LDAF1: variants seen among roughly 807,000 people sequenced by gnomAD.
LDAF1 encodes the protein PROMETHIN.
Under a neutral mutation model 13.5 loss-of-function variants are expected in LDAF1, and 7 were observed. The observed-to-expected ratio is 0.52, with a 90% CI of 0.29 to 0.97. LDAF1 has a LOEUF of 0.97. Ranked by LOEUF, LDAF1 falls within the 50% of genes least tolerant of loss-of-function variation. The pLI is 0.07. For missense variants in LDAF1, 148 were observed against 193.2 expected, an observed-to-expected ratio of 0.77 and a Z score of 1.39; for synonymous variants, 69 against 77.1, an observed-to-expected ratio of 0.89 and a Z score of 0.55.
Position 21,166,298 on chromosome 16 carries a change from T to C in LDAF1, c.97-4139T>C, listed in dbSNP as rs369218550. Reference sequence around the variant, plus strand: ...TTACACTTAAAGCACATCTCAATTCTGATGCCAAATTTTCATTGGAAATAT... The same window carrying C: ...TTACACTTAAAGCACATCTCAATTCCGATGCCAAATTTTCATTGGAAATAT... On this transcript the variant is annotated intron_variant, in intron 2 of 4. Transcript: ENST00000233047. Among the ~76,000 whole-genome samples, 35 of 152,376 alleles carry C rather than the reference T, an allele frequency of 2.3e-4. 1 individual carries two copies. In the South Asian group the frequency reaches 3.7e-3, roughly 16 times the overall value.
intron 4 of LDAF1, among the ~76,000 whole-genome samples, chr16:21,176,934 C>A (rs1476494049): frequency 6.6e-6 from 1 of 150,402 alleles, no homozygotes; most frequent in African/African-American, 2.4e-5. Flanking sequence ...ATAATTATTT[C>A]TTTTTAAAAA....
chr16:21,167,696 G>GTTTTTTTTTTTTTTTTTTTTT lies in LDAF1; in HGVS notation c.97-2728_97-2727insTTTTTTTTTTTTTTTTTTTTT, dbSNP rs778992036. On this transcript the variant is annotated intron_variant, in intron 2 of 4. Transcript: ENST00000233047. ...ATTCTGAGTCCAAGACCTTAGGTTT[G>GTTTTTTTTTTTTTTTTTTTTT]TTTTTTTTTTTTTGAAAAGGAGACT... Among the ~76,000 whole-genome samples, 158 of 89,080 alleles carry GTTTTTTTTTTTTTTTTTTTTT rather than the reference G, an allele frequency of 1.8e-3. 24 individuals are homozygous for GTTTTTTTTTTTTTTTTTTTTT. The highest frequency in any genetic ancestry group is 6.0e-3 in the East Asian group (15 of 2,494). The allele number at this position is 89,080 out of a possible 152,430, so 58.4% of individuals were successfully genotyped here. A position where few individuals can be genotyped will look rare whatever the true frequency, so the allele number is the denominator to read the frequency against.
chr16:21,173,920 C>A, intron 3 of LDAF1, 90 bp from the exon 4 acceptor site: 1 of 1,262,810 alleles, frequency 7.9e-7, no homozygotes, highest in Non-Finnish European at 1.1e-6. Flanking sequence ...TCTGAGTTAG[C>A]GGTTGTTATT....
chr16:21,169,282 A>G, intron 2 of LDAF1: 1 of 373,060 alleles, frequency 2.7e-6, no homozygotes, highest in Non-Finnish European at 3.7e-6. Context: ...CTGATTCATC[A>G]GGGCCTGAGA....
intron 2 of LDAF1, among the ~76,000 whole-genome samples, chr16:21,164,151 C>T (rs936723395): frequency 1.3e-5 from 2 of 152,196 alleles, no homozygotes; most frequent in African/African-American, 4.8e-5. Flanking sequence ...CAAATACTGG[C>T]CACTTTGTCC....
chr16:21,167,001 A>C (rs756778329), intron 2 of LDAF1: 6 of 1,257,666 alleles, frequency 4.8e-6, no homozygotes, highest in Non-Finnish European at 6.7e-6. Flanking sequence ...AGCAGGAGGC[A>C]GTGAGGTCAG....
intron 4 of LDAF1, chr16:21,178,327 A>G: frequency 1.0e-6 from 1 of 985,346 alleles, no homozygotes; most frequent in African/African-American, 1.7e-5. Flanking sequence ...AATCTTCCAA[A>G]CCAGCCTGAG....
intron 4 of LDAF1, chr16:21,177,243 T>C (rs1410803726): frequency 6.6e-6 from 1 of 152,198 alleles, no homozygotes; most frequent in Non-Finnish European, 1.5e-5. Context: ...GAAGAAGACC[T>C]AGCATCACTA....
intron 3 of LDAF1, among the ~76,000 whole-genome samples, chr16:21,172,140 C>T (rs2093094442): frequency 6.7e-6 from 1 of 149,654 alleles, no homozygotes. Flanking sequence ...AGATTCCCTC[C>T]ATCTCTTTAA....
In LDAF1 at chr16:21,159,071, C is replaced by A. The variant is rs113376039; in HGVS notation, c.-99+325C>A. ...AATGGTAGCTAGCACCACCACACCC[C>A]GAGACTGTGCCCCTTTCTGGGGAAC... On this transcript the variant is annotated intron_variant, in intron 1 of 4. Transcript: ENST00000233047. 3.2e-3 allele frequency among the ~76,000 whole-genome samples: 483 copies of A among 152,058 alleles called. 2 individuals are homozygous for A. The highest frequency in any genetic ancestry group is 9.7e-3 in the African/African-American group (402 of 41,478).
intron 2 of LDAF1, chr16:21,165,503 TCCCTAA>T: frequency 1.3e-6 from 1 of 763,864 alleles, no homozygotes; most frequent in African/African-American, 1.9e-5. Flanking sequence ...TGCCATACAG[TCCCTAA>T]GTCCTGTGTA....
chr16:21,170,447 T>C lies in LDAF1; in HGVS notation c.107T>C (p.Phe36Ser). Residue 36 changes from phenylalanine (F) to serine (S), a missense_variant, in exon 3 of 5, where the codon TTT becomes TCT. Transcript: ENST00000233047. ...SFQNNSKVVAFMKSPVGQYLD... is the reference protein window; with the variant it reads ...SFQNNSKVVASMKSPVGQYLD... The stretch of plus-strand genomic sequence containing the variant: ...GTCCTTTGCCTACAGGTGGTGGCCT[T>C]TATGAAGTCTCCAGTGGGTCAGTAC... The C allele has an allele frequency of 1.2e-6, 2 of 1,614,196 alleles. No homozygotes were observed. Among genetic ancestry groups the C allele is most frequent in the Non-Finnish European group, 1.7e-6 (2 of 1,180,042 alleles).
chr16:21,179,499 T>C lies in LDAF1; in HGVS notation c.429T>C (p.Ser143=). Residue 143 remains serine, a synonymous_variant, in exon 5 of 5, where the codon AGT becomes AGC. Transcript: ENST00000233047. The stretch of plus-strand genomic sequence containing the variant: ...GGCCACTGACACAGCAAAACACCAG[T>C]TGTGACTTTCTGCCAGCCATGAAGT... The part of the protein sequence containing the change: ...SPRPLTQQNT[S]CDFLPAMKSA... 4 of 1,614,126 alleles carry C rather than the reference T, an allele frequency of 2.5e-6. No individual in the cohort carries two copies. Among genetic ancestry groups the C allele is most frequent in the East Asian group, 2.2e-5 (1 of 44,884 alleles).
chr16:21,161,315 A>G (rs2092971740), intron 2 of LDAF1, 37 bp downstream of exon 2: 1 of 1,603,554 alleles, frequency 6.2e-7, no homozygotes, highest in Non-Finnish European at 8.5e-7. Flanking sequence ...GGAAAATCCC[A>G]ATATAACACT....
At chr16:21,171,054 G>A (rs2093083655) in intron 3 of LDAF1, among the ~76,000 whole-genome samples, 1 of 152,204 alleles carries the variant, frequency 6.6e-6, no homozygotes, top group Non-Finnish European at 1.5e-5. Flanking sequence ...ACATGTCACA[G>A]AGTAGCTTCT....
At chr16:21,175,485 T>C (rs190148652) in intron 4 of LDAF1, among the ~76,000 whole-genome samples, 11 of 152,204 alleles carry the variant, frequency 7.2e-5, no homozygotes, top group Non-Finnish European at 1.6e-4. Context: ...GTAAGTAATA[T>C]AGTCTCTACT....
At position 21,165,581 on chromosome 16, in the gene LDAF1, G is replaced by A. The variant is rs973993752; in HGVS notation, c.96+4303G>A. 5 of 983,742 alleles carry A rather than the reference G, an allele frequency of 5.1e-6. No homozygotes were observed. In the African/African-American group the frequency reaches 8.8e-5, roughly 17 times the overall value. 60.9% of individuals were successfully genotyped at this position (983,742 alleles called of 1,614,324 possible). The stretch of plus-strand genomic sequence containing the variant: ...CCCCTCCCCCTTCTCTTCCCTCTCT[G>A]CCATCAGCCTGGACTTGACCACAGT... On this transcript the variant is annotated intron_variant, in intron 2 of 4. Coordinates refer to ENST00000233047, the MANE Select transcript of LDAF1 (RefSeq NM_001301771.2).
In LDAF1 at chr16:21,176,004, C is replaced by A. The variant is rs373705596; in HGVS notation, c.404+1856C>A. Among the ~76,000 whole-genome samples the A allele has an allele frequency of 4.1e-4, 62 of 152,264 alleles. No individual in the cohort carries two copies. In the South Asian group the frequency reaches 0.013, roughly 31 times the overall value. On this transcript the variant is annotated intron_variant, in intron 4 of 4. Transcript: ENST00000233047. The stretch of plus-strand genomic sequence containing the variant: ...AAGCAATCCTCCCCCGTTGGCCTCT[C>A]AATGAACTGGAATTATAGGCGTAAG...
intron 2 of LDAF1, among the ~76,000 whole-genome samples, chr16:21,169,535 C>G (rs974159008): frequency 4.6e-5 from 7 of 152,114 alleles, no homozygotes; most frequent in African/African-American, 1.7e-4. Flanking sequence ...TCTCAAACTC[C>G]TGGCCTCAAG....
Sources: gnomAD v4.1 joint callset for allele counts (sites outside exome capture counted in the v4.1 genomes callset) on GRCh38, gnomAD v4.1.1 for gene constraint, MANE v1.5 for transcripts, NCBI Gene and HGNC (gene_info 2026-07-23, HGNC 2026-07-21) for gene names.